The following LRRC39 variants were observed in gnomAD, a reference collection of about 807,000 sequenced individuals.
LRRC39 encodes leucine-rich repeat-containing protein 39.
Under a neutral mutation model 39.7 loss-of-function variants are expected in LRRC39, and 35 were observed. The ratio of observed to expected loss-of-function variants is 0.88; its 90% CI spans 0.67 to 1.17. The LOEUF is 1.17. LRRC39 is among the 50% of genes most tolerant of loss of function. The probability of loss-of-function intolerance (pLI) is 0.00; values close to 1 mark genes in which losing one functional copy is unlikely to be tolerated. For missense variants in LRRC39, 357 were observed against 385.8 expected (o/e 0.93, Z 0.62); for synonymous variants, 113 against 134.1 (o/e 0.84, Z 1.09).
chr1:100,159,606 C>CTTTTTTTTTTTTTTTTTTTT (rs10593200), intron 4 of LRRC39, among the ~76,000 whole-genome samples, 191 bp from the exon 5 acceptor site: 7 of 41,292 alleles, frequency 1.7e-4, no homozygotes, highest in African/African-American at 3.1e-4. Flanking sequence ...TTTTCTTTTC[C>CTTTTTTTTTTTTTTTTTTTT]TTTTTTTTTT....
chr1:100,177,906 G>T (rs1208924194), intron 1 of LRRC39, among the ~76,000 whole-genome samples: 1 of 152,156 alleles, frequency 6.6e-6, no homozygotes, highest in African/African-American at 2.4e-5. Context: ...GCATAGAAAA[G>T]AATTGCAGAA....
At chr1:100,167,824 A>AATAATG (rs1659351884) in intron 3 of LRRC39, among the ~76,000 whole-genome samples, 1 of 140,160 alleles carries the variant, frequency 7.1e-6, no homozygotes. Flanking sequence ...TAATAATAAT[A>AATAATG]ATGATAGAAA....
At chr1:100,162,254 A>T (rs1658934143) in intron 3 of LRRC39, among the ~76,000 whole-genome samples, 1 of 152,150 alleles carries the variant, frequency 6.6e-6, no homozygotes, top group East Asian at 1.9e-4. Context: ...TTTACTTTTT[A>T]CATATAAAAA....
At position 100,156,228 on chromosome 1, in the gene LRRC39, A is replaced by G; in HGVS notation, c.603T>C (p.Leu201=). 6.2e-7 allele frequency: 1 copy of G among 1,613,982 alleles called. No individual in the cohort carries two copies. ...TGTTGCTTCCCATGTCCAGCCACTC[A>G]AGGGCAGGCATGTTCAACACAGCAA... is the stretch of plus-strand genomic sequence containing the variant. ...IPLAVLNMPA[L]EWLDMGSNKL... The change falls in exon 7 of 10, where the codon CTT becomes CTC. Residue 201 remains leucine (L), a synonymous_variant. Coordinates refer to ENST00000370137, the MANE Select transcript of LRRC39 (RefSeq NM_144620.4).
intron 1 of LRRC39, among the ~76,000 whole-genome samples, chr1:100,173,988 C>T (rs545416222): frequency 6.6e-6 from 1 of 152,230 alleles, no homozygotes; most frequent in Admixed American, 6.5e-5. Context: ...AAGACTCAAT[C>T]TGTAAAAATG....
At position 100,158,249 on chromosome 1, in the gene LRRC39, T is replaced by TA. The variant is rs1557924411; in HGVS notation, c.494dup (p.Cys166MetfsTer2). ...TTCTAACCTCTTGTGGAAGATCACA[T>TA]ATATCTCTGTTAACAGCCAGTTCTA... On this transcript the variant is annotated frameshift_variant, in exon 6 of 10. Coordinates refer to ENST00000370137, the MANE Select transcript of LRRC39 (RefSeq NM_144620.4). LOFTEE classifies it high-confidence loss of function. 1.9e-6 allele frequency: 3 copies of TA among 1,614,012 alleles called. No individual in the cohort carries two copies. The highest frequency in any genetic ancestry group is 2.5e-6 in the Non-Finnish European group (3 of 1,179,950).
chr1:100,159,618 T>C (rs1378153810), intron 4 of LRRC39, among the ~76,000 whole-genome samples: 1 of 145,702 alleles, frequency 6.9e-6, no homozygotes, highest in African/African-American at 2.5e-5. Context: ...TTTTTTTTTT[T>C]TTTTTTTTTG....
At chr1:100,152,743 TA>T (rs1658147493) in intron 8 of LRRC39, among the ~76,000 whole-genome samples, 1 of 152,320 alleles carries the variant, frequency 6.6e-6, no homozygotes, top group African/African-American at 2.4e-5. Context: ...TCAAAGCTTA[TA>T]AAAGCAACTG....
intron 1 of LRRC39, among the ~76,000 whole-genome samples, chr1:100,175,823 CATA>C (rs747278991): frequency 4.6e-5 from 7 of 152,062 alleles, no homozygotes; most frequent in South Asian, 2.1e-4. Context: ...TTAATAAAAA[CATA>C]ATAAGATACC....
intron 8 of LRRC39, among the ~76,000 whole-genome samples, chr1:100,154,317 CAAG>C (rs1396207916): frequency 5.3e-5 from 8 of 151,850 alleles, no homozygotes; most frequent in African/African-American, 1.9e-4. Flanking sequence ...ATCCTTTTCT[CAAG>C]AAAAAAAATT....
intron 3 of LRRC39, among the ~76,000 whole-genome samples, chr1:100,161,481 G>A (rs183150615): frequency 4.6e-5 from 7 of 151,984 alleles, no homozygotes; most frequent in Admixed American, 2.0e-4. Flanking sequence ...ACCACATTTT[G>A]TTTACCAATT....
intron 8 of LRRC39, among the ~76,000 whole-genome samples, chr1:100,153,120 A>C (rs555825436): frequency 6.6e-6 from 1 of 152,280 alleles, no homozygotes; most frequent in South Asian, 2.1e-4. Context: ...TAGTTTCTGC[A>C]TAATTTATAT....
intron 3 of LRRC39, among the ~76,000 whole-genome samples, chr1:100,166,575 TGAA>T (rs553283885): frequency 5.7e-4 from 87 of 152,098 alleles, no homozygotes; most frequent in Non-Finnish European, 1.1e-3. Flanking sequence ...ACGTTGAACT[TGAA>T]GAAGATGATT....
chr1:100,152,188 CTT>C (rs1557921504), intron 9 of LRRC39, among the ~76,000 whole-genome samples, 195 bp downstream of exon 9: 1 of 152,200 alleles, frequency 6.6e-6, no homozygotes, highest in African/African-American at 2.4e-5. Context: ...ACTTGAAAGA[CTT>C]TGAATATCTT....
At position 100,168,424 on chromosome 1, in the gene LRRC39, T is replaced by C. The variant is rs1659392617; in HGVS notation, c.93A>G (p.Arg31=). The C allele has an allele frequency of 6.2e-7, 1 of 1,609,098 alleles. No individual in the cohort carries two copies. Among genetic ancestry groups the C allele is most frequent in the East Asian group, 2.2e-5 (1 of 44,698 alleles). ...CATACTTGTGTTGAAATTCCTTCTC[T>C]CGCTTCAGGTCTTCATTGAGTTTCT... The part of the protein sequence containing the change: ...RIKKLNEDLK[R]EKEFQHKLVR... The change falls in exon 3 of 10, where the codon CGA becomes CGG. Residue 31 remains arginine (R), a synonymous_variant. Transcript: ENST00000370137.
intron 9 of LRRC39, chr1:100,149,415 G>A: frequency 6.5e-7 from 1 of 1,543,912 alleles, no homozygotes; most frequent in Non-Finnish European, 8.7e-7. Context: ...ATCTGTCCAT[G>A]ACAAACACAA....
intron 2 of LRRC39, among the ~76,000 whole-genome samples, chr1:100,171,115 T>A (rs1659569524): frequency 6.6e-6 from 1 of 151,964 alleles, no homozygotes; most frequent in South Asian, 2.1e-4. Flanking sequence ...TTGACAGAAC[T>A]AAAGGGAAAA....
At position 100,152,340 on chromosome 1, in the gene LRRC39, C is replaced by T. The variant is rs1055339943; in HGVS notation, c.952+45G>A. The T allele has an allele frequency of 2.5e-6, 4 of 1,582,532 alleles. No homozygotes were observed. In the African/African-American group the frequency reaches 5.4e-5, roughly 21 times the overall value. On this transcript the variant is annotated intron_variant, in intron 9 of 9. Coordinates refer to ENST00000370137, the MANE Select transcript of LRRC39 (RefSeq NM_144620.4). ...GCAGCAGTTAGTGATACACACATTA[C>T]TCTACCAAAAAACATTTAATCTGTG... is the stretch of plus-strand genomic sequence containing the variant.
At chr1:100,169,802 A>G (rs1659477638) in intron 2 of LRRC39, among the ~76,000 whole-genome samples, 1 of 152,146 alleles carries the variant, frequency 6.6e-6, no homozygotes, top group Non-Finnish European at 1.5e-5. Context: ...TCTACTGGGT[A>G]CATATCTAGA....
Sources: gnomAD v4.1 joint callset for allele counts (sites outside exome capture counted in the v4.1 genomes callset) on GRCh38, gnomAD v4.1.1 for gene constraint, MANE v1.5 for transcripts, NCBI Gene and HGNC (gene_info 2026-07-23, HGNC 2026-07-21) for gene names.